Variants in TLK1 observed in about 807,000 individuals in gnomAD.
TLK1 encodes tousled like kinase 1.
A neutral mutation model predicts 105.3 loss-of-function variants in TLK1; 24 were observed. The ratio of observed to expected loss-of-function variants is 0.23; its 90% CI spans 0.17 to 0.32. TLK1 has a LOEUF of 0.32. Ranked by LOEUF, TLK1 falls within the 10% of genes least tolerant of loss-of-function variation. TLK1 has a pLI of 1.00. For missense variants in TLK1, 558 were observed against 910.5 expected (o/e 0.61, Z 4.98); for synonymous variants, 321 against 310.4 (o/e 1.03, Z -0.36).
intron 3 of TLK1, among the ~76,000 whole-genome samples, chr2:171,079,077 A>AT (rs997509297): frequency 1.3e-5 from 2 of 152,176 alleles, no homozygotes; most frequent in African/African-American, 4.8e-5. Flanking sequence ...GCAGCTGGGT[A>AT]TTTTTTAAAG....
rs544320047 is a variant in TLK1 at position 171,106,921 on chromosome 2, C to G, written c.258+10818G>C. ...ACATATACCTGTACTTGAATTTTCCCTATTGTCACAAAAACGTCCTTTATA... is the reference window on the plus strand; with the variant it reads ...ACATATACCTGTACTTGAATTTTCCGTATTGTCACAAAAACGTCCTTTATA... On this transcript the variant is annotated intron_variant, in intron 2 of 20. Transcript: ENST00000431350. Among the ~76,000 whole-genome samples the G allele has an allele frequency of 2.0e-5, 3 of 152,168 alleles. No individual in the cohort carries two copies. In the East Asian group the frequency reaches 5.8e-4, roughly 29 times the overall value.
intron 11 of TLK1, among the ~76,000 whole-genome samples, chr2:171,028,795 C>T (rs1685899086): frequency 1.3e-5 from 2 of 151,998 alleles, no homozygotes; most frequent in Admixed American, 6.6e-5. Flanking sequence ...TTAGTTTGAG[C>T]GTACACTCTA....
intron 5 of TLK1, 151 bp from the exon 6 acceptor site, chr2:171,056,717 T>C: frequency 1.9e-6 from 1 of 533,668 alleles, no homozygotes; most frequent in Non-Finnish European, 3.2e-6. Context: ...AAACACAAGG[T>C]CAGCCAAGTC....
intron 11 of TLK1, among the ~76,000 whole-genome samples, chr2:171,042,909 G>A (rs1181171103): frequency 1.3e-5 from 2 of 151,960 alleles, no homozygotes; most frequent in African/African-American, 4.8e-5. Context: ...TGGAGAATGA[G>A]GATAAAGTGA....
At chr2:171,116,878 C>T (rs1054585783) in intron 2 of TLK1, among the ~76,000 whole-genome samples, 16 of 152,136 alleles carry the variant, frequency 1.1e-4, no homozygotes, top group African/African-American at 3.6e-4. Context: ...GAATAGCAAC[C>T]TTGTATTTAT....
At chr2:171,116,613 T>A (rs984633185) in intron 2 of TLK1, among the ~76,000 whole-genome samples, 20 of 151,010 alleles carry the variant, frequency 1.3e-4, no homozygotes, top group African/African-American at 4.1e-4. Flanking sequence ...GGCAGGAGAA[T>A]CGCTTGAACC....
At chr2:171,163,308 G>A (rs1305238105), upstream of TLK1, among the ~76,000 whole-genome samples, 2 of 152,170 alleles carry the variant, frequency 1.3e-5, no homozygotes, top group Non-Finnish European at 2.9e-5. Context: ...TCTTTCTGTG[G>A]ACATAGGCTT....
intron 1 of TLK1, among the ~76,000 whole-genome samples, chr2:171,190,396 C>A (rs1693122025): frequency 6.6e-6 from 1 of 152,222 alleles, no homozygotes; most frequent in South Asian, 2.1e-4. Context: ...ACATTGATGA[C>A]AAACTGTTAA....
intron 1 of TLK1, among the ~76,000 whole-genome samples, chr2:171,190,665 G>A (rs941749170): frequency 3.9e-5 from 6 of 152,096 alleles, no homozygotes; most frequent in African/African-American, 1.2e-4. Flanking sequence ...TATGTAAAAT[G>A]TTCTTTCAAA....
intron 12 of TLK1, among the ~76,000 whole-genome samples, chr2:171,019,572 T>C (rs978086103): frequency 5.3e-5 from 8 of 152,048 alleles, no homozygotes; most frequent in Non-Finnish European, 1.2e-4. Flanking sequence ...TGAATATATG[T>C]TACATATTCT....
At chr2:171,167,104 A>G (rs1295233381) in intron 1 of TLK1, among the ~76,000 whole-genome samples, 1 of 152,214 alleles carries the variant, frequency 6.6e-6, no homozygotes, top group Non-Finnish European at 1.5e-5. Flanking sequence ...TGATCATGGG[A>G]ACTCAGAGGG....
intron 2 of TLK1, among the ~76,000 whole-genome samples, chr2:171,099,095 T>C (rs1303078988): frequency 6.6e-6 from 1 of 151,734 alleles, no homozygotes; most frequent in African/African-American, 2.4e-5. Context: ...AAGAAAAAAA[T>C]AAAAGGTAAA....
chr2:171,124,408 G>C (rs183177361), intron 1 of TLK1, among the ~76,000 whole-genome samples: 87 of 152,300 alleles, frequency 5.7e-4, no homozygotes, highest in African/African-American at 2.0e-3. Flanking sequence ...GTTGAGGGCA[G>C]TTCTCTTTAT....
intron 3 of TLK1, among the ~76,000 whole-genome samples, chr2:171,080,506 T>C (rs1688701696): frequency 1.3e-5 from 2 of 149,622 alleles, no homozygotes; most frequent in African/African-American, 4.9e-5. Context: ...GGGAATCATT[T>C]TCCAGATAAG....
chr2:171,226,850 T>C (rs1264468192), intron 1 of TLK1, among the ~76,000 whole-genome samples: 1 of 152,174 alleles, frequency 6.6e-6, no homozygotes, highest in Admixed American at 6.5e-5. Flanking sequence ...ATAATCAATT[T>C]ATTTGCAGCT....
intron 12 of TLK1, among the ~76,000 whole-genome samples, chr2:171,016,481 C>T (rs1685219061): frequency 6.6e-6 from 1 of 152,158 alleles, no homozygotes; most frequent in Non-Finnish European, 1.5e-5. Flanking sequence ...TACAGATCAC[C>T]TTGGCCTAAT....
intron 1 of TLK1, among the ~76,000 whole-genome samples, chr2:171,143,664 T>C (rs1246384807): frequency 6.6e-6 from 1 of 151,174 alleles, no homozygotes; most frequent in Admixed American, 6.6e-5. Flanking sequence ...GATATATAAA[T>C]GTAAACCCTA....
At chr2:171,077,143 C>CT (rs766640425) in intron 3 of TLK1, among the ~76,000 whole-genome samples, 1 of 152,198 alleles carries the variant, frequency 6.6e-6, no homozygotes, top group South Asian at 2.1e-4. Flanking sequence ...CCACAACCCA[C>CT]TCACGCTTCT....
intron 2 of TLK1, among the ~76,000 whole-genome samples, chr2:171,105,329 G>A (rs924479452): frequency 2.6e-5 from 4 of 151,970 alleles, no homozygotes; most frequent in Admixed American, 2.0e-4. Flanking sequence ...TCTAAAAATG[G>A]GCAAAGACAT....
Sources: allele counts gnomAD v4.1 joint callset (sites outside exome capture counted in the v4.1 genomes callset), GRCh38; gene constraint gnomAD v4.1.1; transcripts MANE v1.5; gene names NCBI Gene and HGNC (gene_info 2026-07-23, HGNC 2026-07-21).